Variants in GAS2 observed in about 807,000 individuals in gnomAD.
GAS2 encodes growth arrest-specific protein 2.
In GAS2, 20 loss-of-function variants were observed where a neutral mutation model predicts 37.5. The ratio of observed to expected loss-of-function variants is 0.53; its 90% CI spans 0.37 to 0.77. GAS2 has a LOEUF of 0.77. Among genes scored for constraint, GAS2 ranks in the 30% least tolerant of loss-of-function variants. The pLI is 0.00. For synonymous variants in GAS2, 144 were observed against 132.2 expected (o/e 1.09, Z -0.61); for missense variants, 336 against 373.4 (o/e 0.90, Z 0.82).
rs1434653862 is a variant in GAS2 at position 22,647,294 on chromosome 11, T to G, written c.-21+21481T>G. ...TGCATAGTATTCCATGGTGTATATG[T>G]GCCACATTTTCTTAATCCAGTCTAT... On this transcript the variant is annotated intron_variant, in intron 1 of 5. Coordinates refer to the GAS2 transcript ENST00000528582. Among the ~76,000 whole-genome samples the G allele has an allele frequency of 2.0e-5, 3 of 152,110 alleles. No homozygotes were observed. In the East Asian group the frequency reaches 5.8e-4, roughly 29 times the overall value.
At chr11:22,730,576 A>G (rs1415251331) in intron 4 of GAS2, among the ~76,000 whole-genome samples, 7 of 151,790 alleles carry the variant, frequency 4.6e-5, no homozygotes, top group African/African-American at 1.4e-4. Context: ...ATTTCTTTTC[A>G]TTACTCTGAT....
chr11:22,755,797 A>T (rs1238940617), intron 6 of GAS2, 49 bp from the exon 7 acceptor site: 2 of 1,394,896 alleles, frequency 1.4e-6, no homozygotes, highest in Non-Finnish European at 2.0e-6. Flanking sequence ...AAATTAACAT[A>T]AATGCAGCCT....
intron 5 of GAS2, among the ~76,000 whole-genome samples, chr11:22,744,303 C>G (rs1359883732): frequency 6.6e-5 from 10 of 152,156 alleles, no homozygotes; most frequent in African/African-American, 1.7e-4. Flanking sequence ...TTCTGTAAAA[C>G]CAGCATCACC....
chr11:22,800,936 T>A (rs964062238), intron 7 of GAS2, among the ~76,000 whole-genome samples: 24 of 146,252 alleles, frequency 1.6e-4, no homozygotes, highest in Non-Finnish European at 4.5e-5. Context: ...AACAAGTACA[T>A]TACCAATAAA....
chr11:22,718,850 G>A (rs1590703447), intron 3 of GAS2, among the ~76,000 whole-genome samples: 1 of 147,466 alleles, frequency 6.8e-6, no homozygotes, highest in Non-Finnish European at 1.5e-5. Flanking sequence ...TGGGAGAAAA[G>A]AAGCTGTTCG....
chr11:22,646,682 A>C (rs1040030178), intron 1 of GAS2, among the ~76,000 whole-genome samples: 2 of 152,216 alleles, frequency 1.3e-5, no homozygotes, highest in African/African-American at 4.8e-5. Context: ...CCTCTGTTAA[A>C]TTGTATTTTT....
intron 3 of GAS2, 74 bp downstream of exon 3, chr11:22,685,863 T>G: frequency 6.9e-7 from 1 of 1,451,774 alleles, no homozygotes. Flanking sequence ...TTGTGTGTAA[T>G]TAAAAAATTT....
At chr11:22,639,192 A>G (rs375131941) in intron 1 of GAS2, among the ~76,000 whole-genome samples, 2 of 152,182 alleles carry the variant, frequency 1.3e-5, no homozygotes, top group East Asian at 3.8e-4. Context: ...TTTAATTGCC[A>G]ATATAATAGT....
At chr11:22,678,735 C>T (rs1191326969) in intron 2 of GAS2, among the ~76,000 whole-genome samples, 1 of 151,660 alleles carries the variant, frequency 6.6e-6, no homozygotes, top group South Asian at 2.1e-4. Flanking sequence ...AATATGGTTC[C>T]TTAAATAATA....
intron 7 of GAS2, among the ~76,000 whole-genome samples, chr11:22,805,961 G>A (rs923467093): frequency 1.3e-5 from 2 of 151,990 alleles, no homozygotes; most frequent in African/African-American, 4.8e-5. Flanking sequence ...GATGGGTTTT[G>A]GCTGGCTTCT....
intron 7 of GAS2, among the ~76,000 whole-genome samples, chr11:22,799,188 A>G (rs1411530656): frequency 2.0e-5 from 3 of 152,030 alleles, no homozygotes; most frequent in African/African-American, 4.8e-5. Flanking sequence ...TTCAGTGAAG[A>G]GCAGTTAACA....
rs1328106695 is a variant in GAS2 at position 22,740,356 on chromosome 11, G to A, written c.473+2588G>A. On this transcript the variant is annotated intron_variant, in intron 5 of 7. Coordinates refer to ENST00000454584, the MANE Select transcript of GAS2 (RefSeq NM_001143830.3). ...CTATATTATGGATTTTACAAAAGAA[G>A]TTCCATAAGGATTAAGATAACCCTT... Among the ~76,000 whole-genome samples, 3 of 152,146 alleles carry A rather than the reference G, an allele frequency of 2.0e-5. No individual in the cohort carries two copies. In the East Asian group the frequency reaches 5.8e-4, roughly 29 times the overall value.
At chr11:22,752,133 T>G (rs1285695545) in intron 6 of GAS2, among the ~76,000 whole-genome samples, 1 of 152,028 alleles carries the variant, frequency 6.6e-6, no homozygotes, top group Non-Finnish European at 1.5e-5. Context: ...TTAAATTAGT[T>G]TGAAAAATAC....
intron 3 of GAS2, among the ~76,000 whole-genome samples, chr11:22,692,562 G>A (rs1407142537): frequency 6.6e-6 from 1 of 152,176 alleles, no homozygotes; most frequent in Non-Finnish European, 1.5e-5. Context: ...TGACAGATGA[G>A]AGAGAAATAG....
At chr11:22,789,361 CACATATACACATATATATGT>C (rs1339612622) in intron 7 of GAS2, among the ~76,000 whole-genome samples, 2 of 111,280 alleles carry the variant, frequency 1.8e-5, no homozygotes, top group Non-Finnish European at 3.7e-5. Flanking sequence ...GGCATACATA[CACATATACACATATATATGT>C]ACATATATAT....
intron 6 of GAS2, among the ~76,000 whole-genome samples, chr11:22,750,162 A>C (rs1402911370): frequency 6.6e-6 from 1 of 152,066 alleles, no homozygotes; most frequent in African/African-American, 2.4e-5. Context: ...TCTCACATAC[A>C]TGGGGAGAGT....
At chr11:22,772,073 C>T (rs1309140345) in intron 7 of GAS2, among the ~76,000 whole-genome samples, 2 of 152,116 alleles carry the variant, frequency 1.3e-5, no homozygotes, top group Non-Finnish European at 2.9e-5. Context: ...ATGTGTCATA[C>T]AAGATACAAG....
In GAS2 at chr11:22,701,685, C is replaced by T. The variant is rs575284816; in HGVS notation, c.267+15896C>T. Reference sequence around the variant, plus strand: ...CTCTACTAAAAATACAAAAATTAGCCGGGTGTGGTGGCAGGTGCCTGTAGT... The same window carrying T: ...CTCTACTAAAAATACAAAAATTAGCTGGGTGTGGTGGCAGGTGCCTGTAGT... On this transcript the variant is annotated intron_variant, in intron 3 of 7. Coordinates refer to ENST00000454584, the MANE Select transcript of GAS2 (RefSeq NM_001143830.3). Among the ~76,000 whole-genome samples, 13 of 152,026 alleles carry T rather than the reference C, an allele frequency of 8.6e-5. No homozygotes were observed. In the East Asian group the frequency reaches 1.5e-3, roughly 18 times the overall value.
At chr11:22,801,447 A>G (rs895522394) in intron 7 of GAS2, among the ~76,000 whole-genome samples, 4 of 120,942 alleles carry the variant, frequency 3.3e-5, no homozygotes, top group Non-Finnish European at 7.2e-5. Context: ...GGGGCATGGG[A>G]TAGTTTTTTT....
Sources: allele counts gnomAD v4.1 joint callset (sites outside exome capture counted in the v4.1 genomes callset), GRCh38; gene constraint gnomAD v4.1.1; transcripts MANE v1.5; gene names NCBI Gene and HGNC (gene_info 2026-07-23, HGNC 2026-07-21).